Variants in PIK3C2G observed in about 807,000 individuals in gnomAD.
PIK3C2G encodes phosphatidylinositol 3-kinase C2 domain-containing subunit gamma.
A neutral mutation model predicts 181.1 loss-of-function variants in PIK3C2G; 168 were observed. The observed-to-expected ratio is 0.93, with a 90% CI of 0.82 to 1.05. PIK3C2G has a LOEUF of 1.05. Ranked by LOEUF, PIK3C2G falls within the 50% of genes least tolerant of loss-of-function variation. The pLI is 0.00. For synonymous variants in PIK3C2G, 573 were observed against 592.2 expected (o/e 0.97, Z 0.47); for missense variants, 1,869 against 1,732.8 (o/e 1.08, Z -1.40).
At chr12:18,348,207 A>G (rs1458719111) in intron 11 of PIK3C2G, among the ~76,000 whole-genome samples, 2 of 151,900 alleles carry the variant, frequency 1.3e-5, no homozygotes, top group Non-Finnish European at 2.9e-5. Flanking sequence ...AAGGATAAAT[A>G]TATATATAAA....
At chr12:18,511,734 T>C (rs1942220047) in intron 24 of PIK3C2G, among the ~76,000 whole-genome samples, 2 of 152,224 alleles carry the variant, frequency 1.3e-5, no homozygotes, top group South Asian at 4.2e-4. Context: ...ATCAGACAAA[T>C]GGTTTGCAAA....
intron 31 of PIK3C2G, among the ~76,000 whole-genome samples, chr12:18,635,463 G>A (rs777139438): frequency 1.3e-5 from 2 of 152,184 alleles, no homozygotes; most frequent in Non-Finnish European, 2.9e-5. Context: ...TTCGTGATGG[G>A]CAACTCGGGG....
intron 31 of PIK3C2G, among the ~76,000 whole-genome samples, chr12:18,621,785 T>A (rs936205102): frequency 5.3e-5 from 8 of 151,820 alleles, no homozygotes; most frequent in Non-Finnish European, 1.0e-4. Flanking sequence ...AGATTCTTGT[T>A]ACTGGCTTAA....
Position 18,399,679 on chromosome 12 carries a change from G to GAT in PIK3C2G, c.2150_2151dup (p.Leu718IlefsTer18). ...TTCAGACTCTCTGAAGAAAAGAAAA[G>GAT]ATATTTATGGTTTTATCGCTTCTAC... is the stretch of plus-strand genomic sequence containing the variant. On this transcript the variant is annotated frameshift_variant, in exon 16 of 33. Coordinates refer to ENST00000538779, the MANE Select transcript of PIK3C2G (RefSeq NM_001288772.2). LOFTEE classifies it high-confidence loss of function. 1 of 1,566,646 alleles carries GAT rather than the reference G, an allele frequency of 6.4e-7. No homozygotes were observed. The highest frequency in any genetic ancestry group is 8.7e-7 in the Non-Finnish European group (1 of 1,149,686).
chr12:18,261,889 A>G (rs1948253054), intron 1 of PIK3C2G, among the ~76,000 whole-genome samples: 1 of 151,972 alleles, frequency 6.6e-6, no homozygotes, highest in African/African-American at 2.4e-5. Context: ...GCATTTGATA[A>G]CATACCATTT....
At chr12:18,275,531 G>A (rs192223550) in intron 1 of PIK3C2G, among the ~76,000 whole-genome samples, 7 of 152,120 alleles carry the variant, frequency 4.6e-5, no homozygotes, top group Admixed American at 3.3e-4. Context: ...ACAGGCGTCC[G>A]CCACCACGCC....
intron 18 of PIK3C2G, among the ~76,000 whole-genome samples, chr12:18,477,108 C>T (rs1939081667): frequency 1.3e-5 from 2 of 152,080 alleles, no homozygotes; most frequent in Admixed American, 1.3e-4. Context: ...GTGTGCTCTC[C>T]TGCTCTCTCC....
intron 32 of PIK3C2G, among the ~76,000 whole-genome samples, chr12:18,646,195 T>C (rs1591766131): frequency 6.6e-6 from 1 of 152,230 alleles, no homozygotes; most frequent in African/African-American, 2.4e-5. Flanking sequence ...TTCATGCAGA[T>C]TTTATTTAAT....
chr12:18,325,240 TG>T, intron 8 of PIK3C2G, 142 bp downstream of exon 8: 1 of 604,216 alleles, frequency 1.7e-6, no homozygotes, highest in African/African-American at 1.9e-5. Flanking sequence ...CATTTCAACC[TG>T]GAAAAATAGA....
the PIK3C2G span, among the ~76,000 whole-genome samples, chr12:18,655,070 A>G: frequency 2.0e-5 from 3 of 152,036 alleles, no homozygotes; most frequent in African/African-American, 4.8e-5. Flanking sequence ...AAAATACCAG[A>G]GGCTTTTGAT....
chr12:18,279,311 T>G (rs187868009), intron 1 of PIK3C2G, among the ~76,000 whole-genome samples: 27 of 152,124 alleles, frequency 1.8e-4, no homozygotes, highest in African/African-American at 6.3e-4. Flanking sequence ...AATAAACATG[T>G]TAAAACATGT....
chr12:18,449,384 A>G (rs1008544575), intron 18 of PIK3C2G, among the ~76,000 whole-genome samples: 1 of 152,050 alleles, frequency 6.6e-6, no homozygotes, highest in Admixed American at 6.6e-5. Flanking sequence ...TGCTGCACCT[A>G]TCAACACGTC....
intron 31 of PIK3C2G, among the ~76,000 whole-genome samples, chr12:18,634,400 G>A (rs1949497063): frequency 6.6e-6 from 1 of 152,168 alleles, no homozygotes; most frequent in African/African-American, 2.4e-5. Context: ...GGAATACTGT[G>A]GTGGATAAGG....
At chr12:18,330,892 A>T (rs1591974981) in intron 8 of PIK3C2G, among the ~76,000 whole-genome samples, 3 of 152,322 alleles carry the variant, frequency 2.0e-5, no homozygotes, top group Middle Eastern at 6.8e-3. Context: ...TTCAAAAAGC[A>T]GAAGCTTTTA....
chr12:18,441,648 A>G (rs1946753813), intron 18 of PIK3C2G, among the ~76,000 whole-genome samples: 1 of 152,098 alleles, frequency 6.6e-6, no homozygotes, highest in Non-Finnish European at 1.5e-5. Flanking sequence ...GAGTGAAGGA[A>G]GCAAAGTCAT....
the PIK3C2G span, among the ~76,000 whole-genome samples, chr12:18,660,736 A>G: frequency 5.9e-5 from 9 of 152,142 alleles, no homozygotes; most frequent in Non-Finnish European, 1.0e-4. Context: ...TTAGATTCAT[A>G]TATATAGCTT....
chr12:18,561,269 C>T (rs1419158925), intron 26 of PIK3C2G, among the ~76,000 whole-genome samples: 1 of 152,112 alleles, frequency 6.6e-6, no homozygotes, highest in Non-Finnish European at 1.5e-5. Flanking sequence ...TTCAATTGTA[C>T]TATACGGTAC....
At chr12:18,669,291 A>G in the PIK3C2G span, among the ~76,000 whole-genome samples, 1 of 152,174 alleles carries the variant, frequency 6.6e-6, no homozygotes, top group Admixed American at 6.5e-5. Flanking sequence ...ACTGCACTAT[A>G]TTCTCTTTCC....
At chr12:18,648,974 C>A (rs1414129590), downstream of PIK3C2G, among the ~76,000 whole-genome samples, 1 of 152,070 alleles carries the variant, frequency 6.6e-6, no homozygotes, top group East Asian at 1.9e-4. Flanking sequence ...TTTCCCATCA[C>A]CTCCTCTATA....
Sources: gnomAD v4.1 joint callset for allele counts (sites outside exome capture counted in the v4.1 genomes callset) on GRCh38, gnomAD v4.1.1 for gene constraint, MANE v1.5 for transcripts, NCBI Gene and HGNC (gene_info 2026-07-23, HGNC 2026-07-21) for gene names.